Variants in GBE1 observed in about 807,000 individuals in gnomAD.
GBE1 encodes 1,4-alpha-glucan branching enzyme 1.
GBE1 carries 70 observed loss-of-function variants against 88.8 expected under a neutral mutation model. The observed-to-expected ratio is 0.79, with a 90% CI of 0.65 to 0.96. The LOEUF is 0.96. Among genes scored for constraint, GBE1 ranks in the 40% least tolerant of loss-of-function variants. The pLI is 0.00. For synonymous variants in GBE1, 284 were observed against 300.1 expected (o/e 0.95, Z 0.56); for missense variants, 872 against 871.0 (o/e 1.00, Z -0.01).
chr3:81,761,403 T>G lies in GBE1; in HGVS notation c.115A>C (p.Lys39Gln). The change falls in exon 1 of 16, where the codon AAG (lysine) becomes CAG (glutamine). Residue 39 changes from lysine to glutamine, a missense_variant. Lys to Gln is a moderately conservative substitution (Grantham distance 53). Transcript: ENST00000429644. Reference sequence around the variant, plus strand: ...CGCTGGAAGTCCACGGCGTAGGGCTTCAAGTACGGGTCGATCTCCAGGAGT... The same window carrying G: ...CGCTGGAAGTCCACGGCGTAGGGCTGCAAGTACGGGTCGATCTCCAGGAGT... ...ARLLEIDPYL[K>Q]PYAVDFQRRY... 1 of 1,613,032 alleles carries G rather than the reference T, an allele frequency of 6.2e-7. No homozygotes were observed. Among genetic ancestry groups the G allele is most frequent in the Non-Finnish European group, 8.5e-7 (1 of 1,179,340 alleles).
chr3:81,498,787 T>A (rs1702547510), intron 15 of GBE1, among the ~76,000 whole-genome samples: 1 of 152,128 alleles, frequency 6.6e-6, no homozygotes, highest in South Asian at 2.1e-4. Flanking sequence ...GAAAGTGAAA[T>A]GTTGCATAAA....
At chr3:81,707,238 G>C (rs1343993218) in intron 1 of GBE1, among the ~76,000 whole-genome samples, 1 of 151,778 alleles carries the variant, frequency 6.6e-6, no homozygotes, top group Non-Finnish European at 1.5e-5. Context: ...GGCAGAAAAA[G>C]GCAACATTAA....
At chr3:81,756,435 A>C (rs1706602514) in intron 1 of GBE1, among the ~76,000 whole-genome samples, 1 of 152,236 alleles carries the variant, frequency 6.6e-6, no homozygotes, top group African/African-American at 2.4e-5. Context: ...TGGCTCATTC[A>C]AGTATTACAC....
intron 12 of GBE1, among the ~76,000 whole-genome samples, chr3:81,565,750 C>T (rs779640752): frequency 3.9e-5 from 6 of 152,108 alleles, no homozygotes; most frequent in Admixed American, 1.3e-4. Context: ...ACCAGAATAA[C>T]ATCATGATAA....
chr3:81,539,402 T>C (rs989640680), intron 12 of GBE1, among the ~76,000 whole-genome samples: 1 of 151,950 alleles, frequency 6.6e-6, no homozygotes, highest in Non-Finnish European at 1.5e-5. Context: ...ATCATTAGGA[T>C]GAACCGTATA....
At chr3:81,594,829 CT>C (rs1356924390) in intron 7 of GBE1, among the ~76,000 whole-genome samples, 3 of 152,026 alleles carry the variant, frequency 2.0e-5, no homozygotes, top group South Asian at 4.1e-4. Context: ...TTAGTATTTT[CT>C]TTAGTCATAT....
intron 14 of GBE1, among the ~76,000 whole-genome samples, chr3:81,500,372 A>T (rs1576121574): frequency 6.6e-6 from 1 of 152,326 alleles, no homozygotes. Flanking sequence ...AAATATGGAT[A>T]ATGAAAATAA....
At chr3:81,671,803 C>T (rs1356608696) in intron 2 of GBE1, among the ~76,000 whole-genome samples, 3 of 151,916 alleles carry the variant, frequency 2.0e-5, no homozygotes, top group Non-Finnish European at 4.4e-5. Flanking sequence ...ACTTTTAAGA[C>T]TGATAATTCT....
At chr3:81,691,013 G>T (rs1057084292) in intron 2 of GBE1, among the ~76,000 whole-genome samples, 2 of 151,818 alleles carry the variant, frequency 1.3e-5, no homozygotes, top group African/African-American at 4.8e-5. Flanking sequence ...CGTACTTCCT[G>T]TGGAGCACTG....
intron 2 of GBE1, among the ~76,000 whole-genome samples, chr3:81,675,552 GA>G (rs961876985): frequency 2.6e-5 from 4 of 151,868 alleles, no homozygotes; most frequent in African/African-American, 9.7e-5. Context: ...TATTCACACC[GA>G]AACATTGCTT....
At chr3:81,588,859 G>A (rs1469367006) in intron 9 of GBE1, among the ~76,000 whole-genome samples, 2 of 152,060 alleles carry the variant, frequency 1.3e-5, no homozygotes, top group Non-Finnish European at 2.9e-5. Context: ...CTCCGTGATT[G>A]GCTTTCTGTG....
In GBE1 at chr3:81,739,797, A is replaced by C. The variant is rs116017351; in HGVS notation, c.143+21578T>G. ...TCCTTTGAAAATTGACATATATTCTATTCCTTTAGAAAGTATTTCTGCTAA... is the reference window on the plus strand; with the variant it reads ...TCCTTTGAAAATTGACATATATTCTCTTCCTTTAGAAAGTATTTCTGCTAA... On this transcript the variant is annotated intron_variant, in intron 1 of 15. Coordinates refer to ENST00000429644, the MANE Select transcript of GBE1 (RefSeq NM_000158.4). Among the ~76,000 whole-genome samples the C allele has an allele frequency of 2.2e-3, 341 of 152,298 alleles. 2 individuals carry two copies. The highest frequency in any genetic ancestry group is 4.1e-3 in the Non-Finnish European group (278 of 68,026).
intron 1 of GBE1, among the ~76,000 whole-genome samples, chr3:81,726,839 C>A (rs1436673364): frequency 6.6e-6 from 1 of 152,120 alleles, no homozygotes; most frequent in East Asian, 1.9e-4. Flanking sequence ...CTCAGCCTCC[C>A]AAAATGCTAG....
At chr3:81,516,078 G>C (rs910224390) in intron 14 of GBE1, among the ~76,000 whole-genome samples, 5 of 151,666 alleles carry the variant, frequency 3.3e-5, no homozygotes, top group African/African-American at 1.2e-4. Context: ...ATTGATAAAC[G>C]TGACTACACT....
At chr3:81,719,691 T>C (rs1576212279) in intron 1 of GBE1, among the ~76,000 whole-genome samples, 1 of 152,314 alleles carries the variant, frequency 6.6e-6, no homozygotes, top group Non-Finnish European at 1.5e-5. Context: ...TTTGAAGTAT[T>C]ATTTTGATAG....
intron 2 of GBE1, among the ~76,000 whole-genome samples, chr3:81,671,903 G>A (rs1043192011): frequency 6.6e-6 from 1 of 151,916 alleles, no homozygotes; most frequent in Non-Finnish European, 1.5e-5. Flanking sequence ...CATTTGTAGT[G>A]AATATACCAA....
At chr3:81,503,203 T>A (rs569133302) in intron 14 of GBE1, among the ~76,000 whole-genome samples, 1 of 152,298 alleles carries the variant, frequency 6.6e-6, no homozygotes, top group South Asian at 2.1e-4. Context: ...GAAGACATGG[T>A]CTTCATGTAC....
intron 11 of GBE1, among the ~76,000 whole-genome samples, chr3:81,579,387 T>C (rs1038981437): frequency 2.0e-5 from 3 of 152,174 alleles, no homozygotes; most frequent in African/African-American, 4.8e-5. Flanking sequence ...CCTGAATATA[T>C]AAGATAGGAT....
intron 1 of GBE1, among the ~76,000 whole-genome samples, chr3:81,755,119 CAGAT>C (rs1392643746): frequency 1.3e-5 from 2 of 151,870 alleles, no homozygotes; most frequent in Non-Finnish European, 2.9e-5. Flanking sequence ...CTCAAATAAT[CAGAT>C]AGCAAAAAAA....
Sources: gnomAD v4.1 joint callset for allele counts (sites outside exome capture counted in the v4.1 genomes callset) on GRCh38, gnomAD v4.1.1 for gene constraint, MANE v1.5 for transcripts, NCBI Gene and HGNC (gene_info 2026-07-23, HGNC 2026-07-21) for gene names.